Variants in RANBP2 observed in about 807,000 individuals in gnomAD.
RANBP2 encodes RAN binding protein 2.
RANBP2 carries 57 observed loss-of-function variants against 303.6 expected under a neutral mutation model. The ratio of observed to expected loss-of-function variants is 0.19; its 90% CI spans 0.15 to 0.23. The LOEUF (loss-of-function observed/expected upper bound fraction) is 0.23. Among genes scored for constraint, RANBP2 ranks in the 10% least tolerant of loss-of-function variants. The probability of loss-of-function intolerance (pLI) is 1.00; values close to 1 mark genes in which losing one functional copy is unlikely to be tolerated. For synonymous variants in RANBP2, 1,167 were observed against 1,301.5 expected (o/e 0.90, Z 2.23); for missense variants, 3,138 against 3,780.8 (o/e 0.83, Z 4.46).
the RANBP2 span, among the ~76,000 whole-genome samples, chr2:109,360,416 T>C: frequency 5.3e-5 from 8 of 152,326 alleles, no homozygotes; most frequent in East Asian, 1.5e-3. Flanking sequence ...ACACAAACTT[T>C]GTTTCATGCA....
chr2:109,650,576 A>G, the RANBP2 span, among the ~76,000 whole-genome samples: 2 of 152,076 alleles, frequency 1.3e-5, no homozygotes, highest in Non-Finnish European at 2.9e-5. Flanking sequence ...CCCCACCCAA[A>G]TCTCATCTTG....
the RANBP2 span, among the ~76,000 whole-genome samples, chr2:108,835,839 T>G: frequency 6.6e-6 from 1 of 152,186 alleles, no homozygotes; most frequent in Admixed American, 6.5e-5. Context: ...CAACAGAAAT[T>G]TATTTCTCAC....
At chr2:109,239,215 T>C in the RANBP2 span, among the ~76,000 whole-genome samples, 2 of 152,048 alleles carry the variant, frequency 1.3e-5, no homozygotes, top group Non-Finnish European at 2.9e-5. Context: ...CGAAAAGAGC[T>C]GGGGTCCGTA....
At chr2:108,929,566 T>C in the RANBP2 span, among the ~76,000 whole-genome samples, 1 of 152,174 alleles carries the variant, frequency 6.6e-6, no homozygotes, top group African/African-American at 2.4e-5. Context: ...GGCTTGCCCC[T>C]CTCCTCGCCA....
the RANBP2 span, among the ~76,000 whole-genome samples, chr2:109,206,022 C>G: frequency 6.6e-6 from 1 of 152,162 alleles, no homozygotes; most frequent in Non-Finnish European, 1.5e-5. Flanking sequence ...GGAGACTAAC[C>G]TGGTGAACTG....
the RANBP2 span, among the ~76,000 whole-genome samples, chr2:109,274,896 G>T: frequency 6.6e-6 from 1 of 150,858 alleles, no homozygotes; most frequent in Non-Finnish European, 1.5e-5. Context: ...CTAGATAGAG[G>T]TAGTGGCTGC....
At chr2:109,115,909 T>G in the RANBP2 span, among the ~76,000 whole-genome samples, 1 of 152,254 alleles carries the variant, frequency 6.6e-6, no homozygotes, top group African/African-American at 2.4e-5. Context: ...TGGCTGGATA[T>G]GAAATTCTGG....
chr2:109,657,725 T>TG, the RANBP2 span, among the ~76,000 whole-genome samples: 1 of 143,712 alleles, frequency 7.0e-6, no homozygotes, highest in African/African-American at 2.6e-5. Flanking sequence ...TTTTTTTTTT[T>TG]TTTTTTTTTT....
the RANBP2 span, among the ~76,000 whole-genome samples, chr2:109,223,458 C>T: frequency 5.9e-5 from 9 of 152,336 alleles, 1 homozygote; most frequent in East Asian, 1.7e-3. Context: ...GCATTGTCCC[C>T]CTTTGGGAGT....
At chr2:108,804,881 C>A in the RANBP2 span, 1 of 1,328,204 alleles carries the variant, frequency 7.5e-7, no homozygotes, top group Non-Finnish European at 1.0e-6. Context: ...TTTTTTTTCT[C>A]CTCCTAGCAG....
the RANBP2 span, among the ~76,000 whole-genome samples, chr2:109,085,556 G>T: frequency 3.3e-5 from 5 of 149,576 alleles, no homozygotes; most frequent in African/African-American, 1.2e-4. Flanking sequence ...GCCTGCCTCA[G>T]CCTCCCAAAG....
chr2:108,727,603 ATTTTTTTTT>A (rs34554578), intron 1 of RANBP2, among the ~76,000 whole-genome samples: 21 of 119,732 alleles, frequency 1.8e-4, no homozygotes, highest in Non-Finnish European at 2.8e-4. Flanking sequence ...TTGTATCAGC[ATTTTTTTTT>A]TTTTTTTTTT....
the RANBP2 span, among the ~76,000 whole-genome samples, chr2:109,147,207 A>G: frequency 1.3e-5 from 2 of 152,092 alleles, no homozygotes; most frequent in Non-Finnish European, 2.9e-5. Flanking sequence ...GGATGCCTGG[A>G]CTTTCTTGGA....
At chr2:109,777,089 TAGTGG>T in the RANBP2 span, among the ~76,000 whole-genome samples, 3 of 90,416 alleles carry the variant, frequency 3.3e-5, no homozygotes, top group Non-Finnish European at 7.0e-5. Flanking sequence ...TGTTAAATAG[TAGTGG>T]AGTGAGTAGA....
chr2:109,499,646 C>T, the RANBP2 span, among the ~76,000 whole-genome samples: 2 of 152,194 alleles, frequency 1.3e-5, no homozygotes, highest in Admixed American at 6.5e-5. Context: ...CCAACTGGTT[C>T]GTCCTTGGCA....
chr2:109,037,158 CAAAACAAA>C, the RANBP2 span, among the ~76,000 whole-genome samples: 1 of 150,956 alleles, frequency 6.6e-6, no homozygotes, highest in African/African-American at 2.4e-5. Context: ...CAAAACAAAA[CAAAACAAA>C]AAAACAAAAA....
the RANBP2 span, among the ~76,000 whole-genome samples, chr2:109,774,534 T>C: frequency 2.1e-5 from 2 of 96,438 alleles, no homozygotes; most frequent in Non-Finnish European, 3.7e-5. Flanking sequence ...ATATATATTA[T>C]ATATAAAATA....
the RANBP2 span, among the ~76,000 whole-genome samples, chr2:109,005,138 T>C: frequency 1.3e-5 from 2 of 152,336 alleles, no homozygotes; most frequent in Admixed American, 1.3e-4. Context: ...ACCTAGAAGC[T>C]AGAATACCCT....
the RANBP2 span, among the ~76,000 whole-genome samples, chr2:109,580,925 C>T: frequency 6.6e-6 from 1 of 152,142 alleles, no homozygotes; most frequent in Non-Finnish European, 1.5e-5. Context: ...TTCAAGGAGG[C>T]AAAAGCAACA....
Sources: gnomAD v4.1 joint callset for allele counts (sites outside exome capture counted in the v4.1 genomes callset) on GRCh38, gnomAD v4.1.1 for gene constraint, MANE v1.5 for transcripts, NCBI Gene and HGNC (gene_info 2026-07-23, HGNC 2026-07-21) for gene names.